Variants in TRPC5 observed in about 807,000 individuals in gnomAD.
The protein encoded by TRPC5 is transient receptor potential cation channel subfamily C member 5.
Under a neutral mutation model 56.5 loss-of-function variants are expected in TRPC5, and 9 were observed. The ratio of observed to expected loss-of-function variants is 0.16; its 90% CI spans 0.10 to 0.28. The LOEUF (loss-of-function observed/expected upper bound fraction) is 0.28. TRPC5 is among the 10% of genes least tolerant of loss of function. TRPC5 has a pLI of 1.00. For missense variants in TRPC5, 469 were observed against 748.9 expected, an observed-to-expected ratio of 0.63 and a Z score of 4.36; for synonymous variants, 282 against 278.5, an observed-to-expected ratio of 1.01 and a Z score of -0.13.
intron 1 of TRPC5, among the ~76,000 whole-genome samples, chrX:111,972,294 A>C (rs2148649005): frequency 8.9e-6 from 1 of 112,262 alleles, no homozygotes; most frequent in African/African-American, 3.2e-5. Context: ...AGAAAAATTC[A>C]GAAATCTGAA....
intron 1 of TRPC5, among the ~76,000 whole-genome samples, chrX:112,064,211 AT>A (rs1385905762): frequency 8.9e-6 from 1 of 112,098 alleles, no homozygotes; most frequent in Non-Finnish European, 1.9e-5. Flanking sequence ...TTTAAAAAGC[AT>A]TTTAATACTC....
In TRPC5 at chrX:111,768,297, T is replaced by C. The variant is rs1316556673; in HGVS notation, c.*8016A>G. Reference sequence around the variant, plus strand: ...TTGACACACTTTCTATATGGTGATATGTGGTTGGGGCTGCCAACTAGGCTT... The same window carrying C: ...TTGACACACTTTCTATATGGTGATACGTGGTTGGGGCTGCCAACTAGGCTT... On this transcript the variant is annotated 3_prime_UTR_variant, in exon 11 of 11. Coordinates refer to ENST00000262839, the MANE Select transcript of TRPC5 (RefSeq NM_012471.3). Among the ~76,000 whole-genome samples the C allele has an allele frequency of 8.9e-6, 1 of 112,107 alleles. No individual in the cohort carries two copies. Among genetic ancestry groups the C allele is most frequent in the Non-Finnish European group, 1.9e-5 (1 of 53,134 alleles).
At chrX:112,048,673 C>A (rs912288043) in intron 1 of TRPC5, among the ~76,000 whole-genome samples, 1 of 111,491 alleles carries the variant, frequency 9.0e-6, no homozygotes, top group Non-Finnish European at 1.9e-5. Flanking sequence ...TAGACTCTAA[C>A]ATGCATAGAA....
intron 7 of TRPC5, among the ~76,000 whole-genome samples, chrX:111,820,991 C>G (rs1205957909): frequency 9.0e-6 from 1 of 111,409 alleles, no homozygotes; most frequent in East Asian, 2.8e-4. Context: ...GGAAACTTCT[C>G]TATACCCCCA....
At chrX:111,948,371 T>C (rs1010343594) in intron 2 of TRPC5, among the ~76,000 whole-genome samples, 1 of 111,284 alleles carries the variant, frequency 9.0e-6, no homozygotes, top group Non-Finnish European at 1.9e-5. Flanking sequence ...CTACAGTTAT[T>C]GAAAGTGTTG....
intron 1 of TRPC5, among the ~76,000 whole-genome samples, chrX:111,991,002 C>T (rs760245746): frequency 1.8e-5 from 2 of 112,000 alleles, no homozygotes; most frequent in Non-Finnish European, 3.8e-5. Flanking sequence ...CCCAGACATC[C>T]GATTGCCACT....
intron 1 of TRPC5, among the ~76,000 whole-genome samples, chrX:112,049,468 A>G (rs1444745312): frequency 1.9e-5 from 2 of 107,287 alleles, no homozygotes; most frequent in African/African-American, 6.7e-5. Context: ...TATATACTAT[A>G]CAAAATATGT....
intron 5 of TRPC5, among the ~76,000 whole-genome samples, chrX:111,851,621 T>A (rs1250043133): frequency 9.1e-6 from 1 of 110,008 alleles, no homozygotes; most frequent in Non-Finnish European, 1.9e-5. Context: ...CTCGAGTGAT[T>A]ATTCTGGTGG....
intron 2 of TRPC5, among the ~76,000 whole-genome samples, chrX:111,923,431 C>T (rs1285349695): frequency 1.8e-5 from 2 of 111,636 alleles, no homozygotes; most frequent in African/African-American, 6.5e-5. Flanking sequence ...TGACTAATTC[C>T]ATAGGTTATG....
intron 3 of TRPC5, among the ~76,000 whole-genome samples, chrX:111,875,477 C>T (rs1411437633): frequency 9.2e-6 from 1 of 109,180 alleles, no homozygotes; most frequent in Non-Finnish European, 1.9e-5. Flanking sequence ...CCATTAAAAG[C>T]TTTAAGCCAG....
chrX:112,006,270 T>C (rs145361000), intron 1 of TRPC5, among the ~76,000 whole-genome samples: 1,353 of 111,705 alleles, frequency 0.012, 24 homozygotes, highest in African/African-American at 0.041. Context: ...GCCAGCAATA[T>C]GGCCAATTAG....
At chrX:112,048,366 A>G (rs1930117655) in intron 1 of TRPC5, among the ~76,000 whole-genome samples, 1 of 94,401 alleles carries the variant, frequency 1.1e-5, no homozygotes, top group East Asian at 3.3e-4. Flanking sequence ...GCGCCAGTGC[A>G]CTTCAGCCTG....
intron 6 of TRPC5, among the ~76,000 whole-genome samples, chrX:111,837,982 G>A (rs1422891209): frequency 9.2e-6 from 1 of 108,986 alleles, no homozygotes; most frequent in East Asian, 2.9e-4. Context: ...TGAGGTGGGA[G>A]GATTGCTTGA....
At chrX:111,779,942 A>T (rs1000043809) in intron 9 of TRPC5, among the ~76,000 whole-genome samples, 1 of 112,023 alleles carries the variant, frequency 8.9e-6, no homozygotes, top group Non-Finnish European at 1.9e-5. Context: ...GAAAATGAAG[A>T]CAATGAATCT....
At chrX:111,925,497 G>A (rs1340522964) in intron 2 of TRPC5, among the ~76,000 whole-genome samples, 3 of 112,071 alleles carry the variant, frequency 2.7e-5, no homozygotes, top group Non-Finnish European at 5.6e-5. Context: ...ATAAGGACAA[G>A]TTGTTTTATT....
rs754804244 is a variant in TRPC5, at chrX:111,952,450, G to A, written c.-21-9C>T. 85 of 1,171,962 alleles carry A rather than the reference G, an allele frequency of 7.3e-5. No individual in the cohort carries two copies. Among genetic ancestry groups the A allele is most frequent in the Admixed American group, 9.8e-5 (4 of 40,892 alleles). On this transcript the variant is annotated splice_polypyrimidine_tract_variant and intron_variant, in intron 1 of 10. Transcript: ENST00000262839. ...CATAGCAATGCAGAAATCTGAGTGA[G>A]GAAACAGAGAAAGACCAAAATATCC...
intron 7 of TRPC5, among the ~76,000 whole-genome samples, chrX:111,817,110 C>T (rs1050807141): frequency 4.5e-5 from 5 of 110,439 alleles, no homozygotes; most frequent in African/African-American, 1.7e-4. Context: ...TGGGATGGGA[C>T]TCTTTTTGGA....
At chrX:112,018,346 A>G (rs1929182961) in intron 1 of TRPC5, among the ~76,000 whole-genome samples, 1 of 112,801 alleles carries the variant, frequency 8.9e-6, no homozygotes, top group African/African-American at 3.2e-5. Context: ...TTTGGCTAAA[A>G]GGTTCATGGA....
At chrX:112,061,207 T>A (rs1404191011) in intron 1 of TRPC5, among the ~76,000 whole-genome samples, 2 of 112,145 alleles carry the variant, frequency 1.8e-5, no homozygotes, top group Non-Finnish European at 3.8e-5. Flanking sequence ...TCCATTTTGA[T>A]CAAATCTGTG....
Sources: gnomAD v4.1 joint callset for allele counts (sites outside exome capture counted in the v4.1 genomes callset) on GRCh38, gnomAD v4.1.1 for gene constraint, MANE v1.5 for transcripts, NCBI Gene and HGNC (gene_info 2026-07-23, HGNC 2026-07-21) for gene names.